Variants in WDR49 observed in about 807,000 individuals in gnomAD.
WDR49 encodes WD repeat domain 49, also known as cilia- and flagella-associated protein 337.
Under a neutral mutation model 119.5 loss-of-function variants are expected in WDR49, and 107 were observed. The ratio of observed to expected loss-of-function variants is 0.90; its 90% CI spans 0.77 to 1.05. WDR49 has a LOEUF of 1.05. Ranked by LOEUF, WDR49 falls within the 50% of genes least tolerant of loss-of-function variation. WDR49 has a pLI of 0.00. For synonymous variants in WDR49, 425 were observed against 418.8 expected, an observed-to-expected ratio of 1.01 and a Z score of -0.18; for missense variants, 1,240 against 1,220.5, an observed-to-expected ratio of 1.02 and a Z score of -0.24.
At chr3:167,517,812 C>A (rs939511557) in intron 16 of WDR49, among the ~76,000 whole-genome samples, 5 of 151,078 alleles carry the variant, frequency 3.3e-5, no homozygotes, top group Non-Finnish European at 7.4e-5. Context: ...TATACATGTG[C>A]CATGCTGGTG....
rs1752609235 is a variant in WDR49, at chr3:167,525,833, T to C, written c.2604+1987A>G. On this transcript the variant is annotated intron_variant, in intron 15 of 18. Coordinates refer to ENST00000682715, the MANE Select transcript of WDR49 (RefSeq NM_001366157.1). ...GTTATAAAAGTGATTCTAATTTTTG[T>C]TTTTTTGTTAAACAAACAAACAAAC... Among the ~76,000 whole-genome samples the C allele has an allele frequency of 2.1e-5, 3 of 140,548 alleles. No individual in the cohort carries two copies. The South Asian group carries it at 7.2e-4, about 34-fold the overall frequency. The allele number at this position is 140,548 out of a possible 152,430, so 92.2% of individuals were successfully genotyped here.
intron 2 of WDR49, among the ~76,000 whole-genome samples, chr3:167,631,079 A>T (rs971381248): frequency 6.6e-6 from 1 of 151,852 alleles, no homozygotes; most frequent in Non-Finnish European, 1.5e-5. Flanking sequence ...GATCACTTGG[A>T]CACAGGGTGG....
intron 5 of WDR49, among the ~76,000 whole-genome samples, chr3:167,615,077 A>T (rs1035339416): frequency 1.3e-5 from 2 of 152,250 alleles, no homozygotes; most frequent in Non-Finnish European, 2.9e-5. Context: ...AGCTTCAAAC[A>T]ACAACAGAAA....
intron 12 of WDR49, 38 bp from the exon 13 acceptor site, chr3:167,531,317 A>C (rs769002267): frequency 6.2e-7 from 1 of 1,604,708 alleles, no homozygotes; most frequent in Non-Finnish European, 8.5e-7. Context: ...TAATGAAGAA[A>C]AATATCTGCT....
At chr3:167,487,353 T>A (rs149659968) in intron 18 of WDR49, among the ~76,000 whole-genome samples, 2 of 152,206 alleles carry the variant, frequency 1.3e-5, no homozygotes, top group African/African-American at 4.8e-5. Context: ...TGGACCCTTA[T>A]CTTTCAACAT....
chr3:167,594,504 T>C (rs556715685), intron 7 of WDR49, among the ~76,000 whole-genome samples: 3 of 152,154 alleles, frequency 2.0e-5, no homozygotes, highest in Non-Finnish European at 2.9e-5. Context: ...GCATTCAAGA[T>C]GTGACCTGGC....
rs1323480992 is a variant in WDR49, at chr3:167,653,485, T to C, written c.-60A>G. 7.1e-7 allele frequency: 1 copy of C among 1,414,986 alleles called. No homozygotes were observed. Among genetic ancestry groups the C allele is most frequent in the Non-Finnish European group, 9.2e-7 (1 of 1,089,456 alleles). The allele number at this position is 1,414,986 out of a possible 1,614,324, so 87.7% of individuals were successfully genotyped here. A position where few individuals can be genotyped will look rare whatever the true frequency, so the allele number is the denominator to read the frequency against. ...TTTCTATAAGGATGGATCTTCTTTT[T>C]CCTTCAACAGGTGCCTTTGAAAAGA... On this transcript the variant is annotated 5_prime_UTR_variant, in exon 2 of 19. Transcript: ENST00000682715.
intron 16 of WDR49, among the ~76,000 whole-genome samples, chr3:167,509,529 C>T (rs140505866): frequency 1.1e-4 from 16 of 152,194 alleles, no homozygotes; most frequent in African/African-American, 1.7e-4. Flanking sequence ...GATATCATAG[C>T]GACAGTTTTA....
At chr3:167,591,221 T>G (rs1440654801) in intron 7 of WDR49, among the ~76,000 whole-genome samples, 1 of 152,150 alleles carries the variant, frequency 6.6e-6, no homozygotes, top group African/African-American at 2.4e-5. Flanking sequence ...ATTTTCAAAA[T>G]TACTCTTGTT....
intron 18 of WDR49, among the ~76,000 whole-genome samples, chr3:167,491,117 C>T (rs1751116435): frequency 6.6e-6 from 1 of 152,056 alleles, no homozygotes; most frequent in South Asian, 2.1e-4. Context: ...CCTTTGCCAC[C>T]ACCTGGCAAT....
At chr3:167,551,668 AGATTTC>A (rs1182338028) in intron 10 of WDR49, among the ~76,000 whole-genome samples, 1 of 152,136 alleles carries the variant, frequency 6.6e-6, no homozygotes, top group East Asian at 1.9e-4. Context: ...GCTAATACTT[AGATTTC>A]TGATTCATTG....
At chr3:167,520,773 G>A (rs1437671908) in intron 16 of WDR49, among the ~76,000 whole-genome samples, 1 of 152,126 alleles carries the variant, frequency 6.6e-6, no homozygotes, top group Non-Finnish European at 1.5e-5. Context: ...TCTGTGTGAA[G>A]AGTCATTTTG....
chr3:167,644,375 C>G (rs1016020423), intron 2 of WDR49, among the ~76,000 whole-genome samples: 1 of 152,066 alleles, frequency 6.6e-6, no homozygotes, highest in Non-Finnish European at 1.5e-5. Context: ...ACTTGCCCCA[C>G]TACAATCACA....
At chr3:167,572,316 A>C (rs1351982578) in intron 8 of WDR49, among the ~76,000 whole-genome samples, 1 of 152,240 alleles carries the variant, frequency 6.6e-6, no homozygotes, top group Non-Finnish European at 1.5e-5. Flanking sequence ...AGGGTATCAA[A>C]AGACAGGAAG....
chr3:167,560,448 A>C (rs564145452), intron 8 of WDR49, among the ~76,000 whole-genome samples: 138 of 152,318 alleles, frequency 9.1e-4, no homozygotes, highest in African/African-American at 3.2e-3. Flanking sequence ...AGAAGATAGT[A>C]ATCTGCTTTC....
At chr3:167,581,911 A>C (rs1291144276) in intron 7 of WDR49, among the ~76,000 whole-genome samples, 1 of 152,176 alleles carries the variant, frequency 6.6e-6, no homozygotes, top group Non-Finnish European at 1.5e-5. Flanking sequence ...AAACAGACTC[A>C]CATGACTCCA....
intron 2 of WDR49, among the ~76,000 whole-genome samples, chr3:167,651,531 G>C (rs888832216): frequency 1.4e-4 from 22 of 152,104 alleles, no homozygotes; most frequent in Non-Finnish European, 2.4e-4. Flanking sequence ...AGTACTGGCT[G>C]CACATGTGCC....
Position 167,576,966 on chromosome 3 carries a change from T to C in WDR49, c.1276-815A>G, listed in dbSNP as rs554965004. ...GTATACATATGTATGTATGTGTATA[T>C]ATGTATATATGTATTTTTGGTAAAA... On this transcript the variant is annotated intron_variant, in intron 7 of 18. Coordinates refer to ENST00000682715, the MANE Select transcript of WDR49 (RefSeq NM_001366157.1). 4.6e-5 allele frequency among the ~76,000 whole-genome samples: 7 copies of C among 152,262 alleles called. No homozygotes were observed. In the South Asian group the frequency reaches 1.4e-3, roughly 32 times the overall value.
chr3:167,529,657 A>G (rs1375514767), intron 13 of WDR49, among the ~76,000 whole-genome samples: 1 of 152,126 alleles, frequency 6.6e-6, no homozygotes, highest in Admixed American at 6.6e-5. Flanking sequence ...GTCCATATGC[A>G]CAGATTTGGA....
Sources: allele counts gnomAD v4.1 joint callset (sites outside exome capture counted in the v4.1 genomes callset), GRCh38; gene constraint gnomAD v4.1.1; transcripts MANE v1.5; gene names NCBI Gene and HGNC (gene_info 2026-07-23, HGNC 2026-07-21).